Variants in TAB2 observed in about 807,000 individuals in gnomAD.
The protein encoded by TAB2 is TGF-beta activated kinase 1 (MAP3K7) binding protein 2, also known as TGF-beta-activated kinase 1 and MAP3K7-binding protein 2.
Under a neutral mutation model 65.0 loss-of-function variants are expected in TAB2, and 3 were observed. That is an observed-to-expected ratio of 0.05 (90% CI 0.02 to 0.12). The LOEUF (loss-of-function observed/expected upper bound fraction) is 0.12, where lower values mean the gene tolerates loss of function less well. Ranked by LOEUF, TAB2 falls within the 10% of genes least tolerant of loss-of-function variation. TAB2 has a pLI of 1.00. For synonymous variants in TAB2, 298 were observed against 285.1 expected, an observed-to-expected ratio of 1.05 and a Z score of -0.46; for missense variants, 623 against 840.3, an observed-to-expected ratio of 0.74 and a Z score of 3.20.
At chr6:149,281,158 T>C (rs1010407751) in intron 1 of TAB2, among the ~76,000 whole-genome samples, 5 of 152,078 alleles carry the variant, frequency 3.3e-5, no homozygotes, top group African/African-American at 7.2e-5. Flanking sequence ...AAATTGACTG[T>C]TTAAATACAA....
chr6:149,332,399 TTCTA>T (rs1472699190), intron 1 of TAB2, among the ~76,000 whole-genome samples: 1 of 152,178 alleles, frequency 6.6e-6, no homozygotes, highest in Non-Finnish European at 1.5e-5. Context: ...AGCCAGACTC[TTCTA>T]ACATGTGAAA....
intron 1 of TAB2, among the ~76,000 whole-genome samples, chr6:149,307,563 G>A (rs555352859): frequency 6.6e-6 from 1 of 152,222 alleles, no homozygotes; most frequent in East Asian, 1.9e-4. Flanking sequence ...AATGAGGTCA[G>A]TACTCTGTGA....
intron 6 of TAB2, among the ~76,000 whole-genome samples, chr6:149,399,852 A>G (rs1418363522): frequency 6.6e-6 from 1 of 152,238 alleles, no homozygotes; most frequent in Non-Finnish European, 1.5e-5. Context: ...AAATGTGTTA[A>G]TGGATACATA....
intron 1 of TAB2, among the ~76,000 whole-genome samples, chr6:149,355,496 G>C (rs548651849): frequency 2.8e-4 from 42 of 151,832 alleles, no homozygotes; most frequent in Admixed American, 2.2e-3. Flanking sequence ...AGAAACCCCC[G>C]TCTCTACTAA....
intron 1 of TAB2, among the ~76,000 whole-genome samples, chr6:149,310,575 T>TAA (rs200700941): frequency 0.43 from 64,926 of 150,692 alleles, 14,155 homozygotes; most frequent in African/African-American, 0.54. Context: ...TATATTTTTT[T>TAA]TAAAATTGCA....
rs1192233276 is a variant in TAB2, at chr6:149,289,070, A to C, written c.-121+70294A>C. 9.9e-5 allele frequency among the ~76,000 whole-genome samples: 15 copies of C among 151,656 alleles called. 1 individual carries two copies. The highest frequency in any genetic ancestry group is 9.8e-4 in the Admixed American group (15 of 15,232). On this transcript the variant is annotated intron_variant, in intron 1 of 1. Coordinates refer to the TAB2 transcript ENST00000606202. ...GATGGGGTTTTGCCATGTTGGAAAG[A>C]CTGCTCTCAAACTCCTGGCCTCAAG...
chr6:149,219,305 T>TG (rs1777090693), intron 1 of TAB2, among the ~76,000 whole-genome samples: 1 of 130,850 alleles, frequency 7.6e-6, no homozygotes, highest in South Asian at 2.6e-4. Flanking sequence ...TATTTTAACA[T>TG]TTGTGTGTGT....
At chr6:149,364,649 A>T (rs951233600) in intron 1 of TAB2, among the ~76,000 whole-genome samples, 21 of 150,566 alleles carry the variant, frequency 1.4e-4, no homozygotes, top group African/African-American at 4.4e-4. Context: ...CACTCATTCA[A>T]TGTGTGGTTG....
chr6:149,371,065 CAAAAAAA>C (rs33926884), intron 2 of TAB2, among the ~76,000 whole-genome samples: 4 of 71,968 alleles, frequency 5.6e-5, no homozygotes, highest in African/African-American at 1.2e-4. Flanking sequence ...GACCCTATCT[CAAAAAAA>C]AAAAAAAAAA....
intron 1 of TAB2, among the ~76,000 whole-genome samples, chr6:149,263,860 C>T (rs1356062205): frequency 6.6e-6 from 1 of 152,212 alleles, no homozygotes; most frequent in East Asian, 1.9e-4. Context: ...TCTCTGTAGG[C>T]TGCCTAGTAG....
At chr6:149,403,755 CAT>C (rs1344749264) in intron 6 of TAB2, among the ~76,000 whole-genome samples, 3 of 151,918 alleles carry the variant, frequency 2.0e-5, no homozygotes, top group African/African-American at 7.3e-5. Context: ...AGAGGCATGT[CAT>C]ATGGTGAGCG....
intron 2 of TAB2, among the ~76,000 whole-genome samples, chr6:149,371,459 C>T (rs1781224271): frequency 6.6e-6 from 1 of 152,148 alleles, no homozygotes; most frequent in African/African-American, 2.4e-5. Context: ...ATGTTCTGGT[C>T]ATCCTGAGCT....
At chr6:149,371,108 A>G (rs35059104) in intron 2 of TAB2, among the ~76,000 whole-genome samples, 2,244 of 150,686 alleles carry the variant, frequency 0.015, 33 homozygotes, top group Non-Finnish European at 0.023. Flanking sequence ...GGGCTCAGTC[A>G]AGCATATTTA....
intron 1 of TAB2, among the ~76,000 whole-genome samples, chr6:149,332,743 A>G (rs1779820693): frequency 6.6e-6 from 1 of 152,222 alleles, no homozygotes. Context: ...AAAAACAGGA[A>G]TGTAAAATAG....
At chr6:149,222,112 ATTCAGCCATTTTC>A (rs1777160783) in intron 1 of TAB2, among the ~76,000 whole-genome samples, 1 of 152,182 alleles carries the variant, frequency 6.6e-6, no homozygotes, top group African/African-American at 2.4e-5. Context: ...CGGAACAGCC[ATTCAGCCATTTTC>A]TCCTTCCCTT....
At chr6:149,388,943 A>G (rs936626526) in intron 3 of TAB2, among the ~76,000 whole-genome samples, 7 of 149,804 alleles carry the variant, frequency 4.7e-5, no homozygotes, top group Admixed American at 2.0e-4. Flanking sequence ...TGAAAAAAGA[A>G]TAACAGAAAT....
intron 5 of TAB2, 95 bp downstream of exon 5, chr6:149,398,157 C>T: frequency 9.4e-7 from 1 of 1,059,304 alleles, no homozygotes; most frequent in South Asian, 1.3e-5. Flanking sequence ...CATAATCTTA[C>T]TGTCTCAGAA....
intron 6 of TAB2, among the ~76,000 whole-genome samples, chr6:149,408,196 G>T (rs116191657): frequency 1.6e-4 from 24 of 152,234 alleles, no homozygotes; most frequent in African/African-American, 5.5e-4. Flanking sequence ...TTGTTTCAGG[G>T]CATAGTAACT....
intron 1 of TAB2, among the ~76,000 whole-genome samples, chr6:149,357,658 G>A (rs1395633677): frequency 6.6e-6 from 1 of 151,826 alleles, no homozygotes; most frequent in Non-Finnish European, 1.5e-5. Context: ...AATTTGTCAT[G>A]TTATAAATTA....
Sources: gnomAD v4.1 joint callset for allele counts (sites outside exome capture counted in the v4.1 genomes callset) on GRCh38, gnomAD v4.1.1 for gene constraint, MANE v1.5 for transcripts, NCBI Gene and HGNC (gene_info 2026-07-23, HGNC 2026-07-21) for gene names.